KDM4B: variants seen among roughly 807,000 people sequenced by gnomAD.
The protein encoded by KDM4B is lysine-specific demethylase 4B.
A neutral mutation model predicts 125.2 loss-of-function variants in KDM4B; 32 were observed. The ratio of observed to expected loss-of-function variants is 0.26; its 90% CI spans 0.19 to 0.34. The LOEUF (loss-of-function observed/expected upper bound fraction) is 0.34, where lower values mean the gene tolerates loss of function less well. Among genes scored for constraint, KDM4B ranks in the 10% least tolerant of loss-of-function variants. The pLI is 1.00. For synonymous variants in KDM4B, 721 were observed against 677.9 expected, an observed-to-expected ratio of 1.06 and a Z score of -0.99; for missense variants, 1,190 against 1,577.7, an observed-to-expected ratio of 0.75 and a Z score of 4.16.
chr19:5,137,912 A>C (rs766051113), intron 17 of KDM4B, 50 bp from the exon 18 acceptor site: 2 of 1,486,024 alleles, frequency 1.3e-6, no homozygotes, highest in Non-Finnish European at 1.9e-6. Context: ...CTCTGTGACC[A>C]GCCCAGGTCC....
intron 9 of KDM4B, among the ~76,000 whole-genome samples, chr19:5,105,928 T>C (rs1384912207): frequency 6.6e-6 from 1 of 152,246 alleles, no homozygotes; most frequent in African/African-American, 2.4e-5. Context: ...ATGTGGCCCA[T>C]GGGCCCACCT....
intron 9 of KDM4B, among the ~76,000 whole-genome samples, chr19:5,104,191 A>C (rs888156010): frequency 2.3e-4 from 35 of 151,958 alleles, no homozygotes; most frequent in African/African-American, 8.2e-4. Flanking sequence ...CCACCCCGGC[A>C]GCAGCAGGAC....
intron 1 of KDM4B, among the ~76,000 whole-genome samples, chr19:4,999,958 C>T (rs2035324057): frequency 6.8e-6 from 1 of 146,624 alleles, no homozygotes; most frequent in African/African-American, 2.6e-5. Context: ...TCCATCCACC[C>T]ATTTACTCAC....
intron 6 of KDM4B, among the ~76,000 whole-genome samples, chr19:5,055,239 G>A (rs957269904): frequency 2.0e-5 from 3 of 152,222 alleles, no homozygotes; most frequent in Non-Finnish European, 4.4e-5. Context: ...GAAACCCGGG[G>A]CACATCGGGG....
At chr19:4,986,142 T>C (rs966327669) in intron 1 of KDM4B, among the ~76,000 whole-genome samples, 1 of 152,156 alleles carries the variant, frequency 6.6e-6, no homozygotes, top group African/African-American at 2.4e-5. Context: ...TGACCTGCCG[T>C]GGGGGCTGTG....
At position 4,984,858 on chromosome 19, in the gene KDM4B, G is replaced by T. The variant is rs963832223; in HGVS notation, c.-109+15628G>T. Reference sequence around the variant, plus strand: ...CCAGGAGTTACTAATGTACCTGGGGGTCTGGCACCTGCTCCGTGAAACCCG... The same window carrying T: ...CCAGGAGTTACTAATGTACCTGGGGTTCTGGCACCTGCTCCGTGAAACCCG... On this transcript the variant is annotated intron_variant, in intron 1 of 22. Transcript: ENST00000159111. Among the ~76,000 whole-genome samples, 19 of 152,260 alleles carry T rather than the reference G, an allele frequency of 1.2e-4. 1 individual carries two copies. The highest frequency in any genetic ancestry group is 1.2e-3 in the Admixed American group (19 of 15,288).
chr19:5,004,278 C>T (rs1205666688), intron 1 of KDM4B, among the ~76,000 whole-genome samples: 1 of 152,180 alleles, frequency 6.6e-6, no homozygotes, highest in Non-Finnish European at 1.5e-5. Context: ...CGGCCCCTGG[C>T]ACTTTCCACC....
chr19:4,984,480 C>G (rs2034758707), intron 1 of KDM4B, among the ~76,000 whole-genome samples: 1 of 151,990 alleles, frequency 6.6e-6, no homozygotes, highest in East Asian at 1.9e-4. Context: ...GTTTTATGGG[C>G]CAGGAAGCAG....
At chr19:5,145,279 T>C (rs544363076) in intron 21 of KDM4B, among the ~76,000 whole-genome samples, 1 of 152,012 alleles carries the variant, frequency 6.6e-6, no homozygotes, top group Non-Finnish European at 1.5e-5. Context: ...AGAGGAATTA[T>C]TTAAAAGTGT....
intron 2 of KDM4B, among the ~76,000 whole-genome samples, chr19:5,022,732 G>A (rs2036162453): frequency 6.6e-6 from 1 of 152,078 alleles, no homozygotes; most frequent in African/African-American, 2.4e-5. Flanking sequence ...TCACTCCCTT[G>A]TCTGATTTTC....
intron 10 of KDM4B, among the ~76,000 whole-genome samples, chr19:5,118,814 G>C (rs968313621): frequency 6.6e-6 from 1 of 152,226 alleles, no homozygotes; most frequent in African/African-American, 2.4e-5. Context: ...TGCAGGGACC[G>C]GGACCTCCCC....
At position 5,142,268 on chromosome 19, in the gene KDM4B, C is replaced by G. The variant is rs539165402; in HGVS notation, c.2551-1699C>G. On this transcript the variant is annotated intron_variant, in intron 18 of 22. Coordinates refer to ENST00000159111, the MANE Select transcript of KDM4B (RefSeq NM_015015.3). The surrounding 1 kb of genome is among the most constrained non-coding windows in gnomAD (Gnocchi z 5.4). ...ACTCCCCGGCACACACTGGCCTGGG[C>G]CAGGCCAGCACTGGATGTGGGTCTT... Among the ~76,000 whole-genome samples, 127 of 152,246 alleles carry G rather than the reference C, an allele frequency of 8.3e-4. No individual in the cohort carries two copies. Among genetic ancestry groups the G allele is most frequent in the African/African-American group, 3.0e-3 (125 of 41,572 alleles).
intron 6 of KDM4B, among the ~76,000 whole-genome samples, chr19:5,051,936 C>T (rs530510312): frequency 2.6e-5 from 4 of 152,186 alleles, no homozygotes; most frequent in African/African-American, 4.8e-5. Context: ...ACTCAGTCTC[C>T]GGTGCAGGTG....
chr19:5,060,433 CAAAAAAAAAAAAAAAA>C (rs901472663), intron 6 of KDM4B, among the ~76,000 whole-genome samples: 1 of 32,944 alleles, frequency 3.0e-5, no homozygotes, highest in Non-Finnish European at 6.5e-5. Context: ...ACTCTGTCTC[CAAAAAAAAAAAAAAAA>C]AAAAAAAAAA....
intron 10 of KDM4B, among the ~76,000 whole-genome samples, chr19:5,116,791 G>A (rs1221610394): frequency 1.3e-5 from 2 of 152,190 alleles, no homozygotes; most frequent in African/African-American, 4.8e-5. Flanking sequence ...TGTTTATGGG[G>A]CATAAAAGCG....
In KDM4B at chr19:5,114,826, C is replaced by T. The variant is rs1180402393; in HGVS notation, c.1115+4008C>T. ...GTTACTGGGTGACAGGGCCAGAGGC[C>T]GTCCACCCCGCCTCCTGCCATACAA... On this transcript the variant is annotated intron_variant, in intron 10 of 22. Coordinates refer to ENST00000159111, the MANE Select transcript of KDM4B (RefSeq NM_015015.3). The surrounding 1 kb of genome is among the most constrained non-coding windows in gnomAD (Gnocchi z 5.8). Among the ~76,000 whole-genome samples the T allele has an allele frequency of 3.3e-5, 5 of 152,222 alleles. No individual in the cohort carries two copies. Among genetic ancestry groups the T allele is most frequent in the East Asian group, 3.9e-4 (2 of 5,190 alleles).
Position 5,082,127 on chromosome 19 carries a change from G to A in KDM4B, c.781-240G>A, listed in dbSNP as rs552056188. 2.8e-4 allele frequency among the ~76,000 whole-genome samples: 42 copies of A among 152,348 alleles called. No individual in the cohort carries two copies. The highest frequency in any genetic ancestry group is 9.6e-4 in the African/African-American group (40 of 41,582). ...GGGGCTGCTGGGGCTGGAGGGGCCC[G>A]GCTGAGCCGAGTGGAGGTTGCAGAG... On this transcript the variant is annotated intron_variant, in intron 8 of 22. Transcript: ENST00000159111. The surrounding 1 kb of genome is among the most constrained non-coding windows in gnomAD (Gnocchi z 5.4).
rs1048515036 is a variant in KDM4B, at chr19:4,977,597, GGA to G, written c.-109+8370_-109+8371del. ...GCCCTAGTCTCCAGGGAGAGAGCGT[GGA>G]GACAGACGATTTGTATGAGATTAGC... On this transcript the variant is annotated intron_variant, in intron 1 of 22. Coordinates refer to ENST00000159111, the MANE Select transcript of KDM4B (RefSeq NM_015015.3). Among the ~76,000 whole-genome samples the G allele has an allele frequency of 5.9e-5, 9 of 152,344 alleles. No homozygotes were observed. In the East Asian group the frequency reaches 1.5e-3, roughly 26 times the overall value.
intron 9 of KDM4B, among the ~76,000 whole-genome samples, chr19:5,098,030 G>T (rs2038861933): frequency 6.6e-6 from 1 of 152,204 alleles, no homozygotes; most frequent in Admixed American, 6.5e-5. Context: ...CACCAGGAGG[G>T]GCTTCAAAAG....
Sources: gnomAD v4.1 joint callset for allele counts (sites outside exome capture counted in the v4.1 genomes callset) on GRCh38, gnomAD v4.1.1 for gene constraint, Gnocchi (gnomAD v3.1) non-coding constraint, MANE v1.5 for transcripts, NCBI Gene and HGNC (gene_info 2026-07-23, HGNC 2026-07-21) for gene names.